The following ECT2L variants were observed in gnomAD, a reference collection of about 807,000 sequenced individuals.
ECT2L encodes the protein epithelial cell-transforming sequence 2 oncogene-like.
Under a neutral mutation model 122.8 loss-of-function variants are expected in ECT2L, and 126 were observed. The observed-to-expected ratio is 1.03, with a 90% CI of 0.89 to 1.19. ECT2L has a LOEUF of 1.19. ECT2L is among the 50% of genes most tolerant of loss of function. The pLI is 0.00. For missense variants in ECT2L, 1,012 were observed against 1,064.1 expected, an observed-to-expected ratio of 0.95 and a Z score of 0.68; for synonymous variants, 385 against 381.8, an observed-to-expected ratio of 1.01 and a Z score of -0.10.
At chr6:138,892,301 T>TTA (rs2128412116) in intron 20 of ECT2L, among the ~76,000 whole-genome samples, 1 of 152,354 alleles carries the variant, frequency 6.6e-6, no homozygotes, top group Admixed American at 6.5e-5. Flanking sequence ...TATCTTTTCT[T>TTA]TCTTAGAGTT....
At chr6:138,892,350 G>A (rs1779059157) in intron 20 of ECT2L, among the ~76,000 whole-genome samples, 2 of 152,020 alleles carry the variant, frequency 1.3e-5, no homozygotes, top group African/African-American at 2.4e-5. Context: ...GTTCTTGCAC[G>A]TTGTCTACTT....
intron 10 of ECT2L, among the ~76,000 whole-genome samples, chr6:138,861,607 T>G (rs1582627607): frequency 6.6e-6 from 1 of 152,230 alleles, no homozygotes; most frequent in Admixed American, 6.5e-5. Flanking sequence ...TTTAAGTTCC[T>G]TGTAGATTCT....
At chr6:138,879,600 C>T (rs764789183) in intron 14 of ECT2L, among the ~76,000 whole-genome samples, 6 of 152,156 alleles carry the variant, frequency 3.9e-5, no homozygotes, top group Middle Eastern at 6.8e-3. Context: ...ACATAGCACA[C>T]ACAACATCAG....
In ECT2L at chr6:138,895,674, G is replaced by A. The variant is rs367936818; in HGVS notation, c.2415-5274G>A. The stretch of plus-strand genomic sequence containing the variant: ...CAACCTCTGCCTCCGGGGTTCAAGC[G>A]ATTCTCATGCCTCAGCCTCCCAAAA... On this transcript the variant is annotated intron_variant, in intron 20 of 21. Coordinates refer to ENST00000541398, the MANE Select transcript of ECT2L (RefSeq NM_001077706.3). Among the ~76,000 whole-genome samples the A allele has an allele frequency of 3.9e-5, 6 of 152,210 alleles. 1 individual carries two copies. The highest frequency in any genetic ancestry group is 2.1e-4 in the South Asian group (1 of 4,822).
chr6:138,876,219 G>A (rs531866436), intron 13 of ECT2L, among the ~76,000 whole-genome samples: 1 of 152,254 alleles, frequency 6.6e-6, no homozygotes, highest in Non-Finnish European at 1.5e-5. Context: ...TGGCTCCCAA[G>A]GAAGAGGGAG....
chr6:138,803,876 C>T (rs775449803), intron 1 of ECT2L, among the ~76,000 whole-genome samples: 18 of 152,174 alleles, frequency 1.2e-4, no homozygotes, highest in Non-Finnish European at 2.1e-4. Flanking sequence ...AGAGCAGAGG[C>T]ACTGCAAATG....
At chr6:138,838,322 G>T (rs371746776) in intron 4 of ECT2L, 30 bp from the exon 5 acceptor site, 1 of 1,554,410 alleles carries the variant, frequency 6.4e-7, no homozygotes, top group Non-Finnish European at 8.6e-7. Context: ...AGACATTAGT[G>T]TTCTAAACTA....
chr6:138,800,787 CTA>C (rs1775515220), intron 1 of ECT2L, among the ~76,000 whole-genome samples: 1 of 152,108 alleles, frequency 6.6e-6, no homozygotes, highest in South Asian at 2.1e-4. Flanking sequence ...GTTTGTGCTG[CTA>C]TAATAAAATA....
rs535090454 is a variant in ECT2L at position 138,875,352 on chromosome 6, C to G, written c.1579-1120C>G. ...GTGGCATCTCCAAAATAAAAATTCG[C>G]TTTTGCCTCAGTAGAGTAAGGTAAA... On this transcript the variant is annotated intron_variant, in intron 13 of 21. Transcript: ENST00000541398. Among the ~76,000 whole-genome samples, 37 of 152,346 alleles carry G rather than the reference C, an allele frequency of 2.4e-4. 1 individual carries two copies. In the South Asian group the frequency reaches 7.7e-3, roughly 32 times the overall value.
intron 3 of ECT2L, among the ~76,000 whole-genome samples, chr6:138,814,153 T>A (rs1258090144): frequency 6.6e-6 from 1 of 152,344 alleles, no homozygotes; most frequent in East Asian, 1.9e-4. Flanking sequence ...ATGTGTGGAC[T>A]CTGTTTCCCT....
intron 16 of ECT2L, among the ~76,000 whole-genome samples, 165 bp from the exon 17 acceptor site, chr6:138,885,341 A>C (rs1050706316): frequency 1.3e-5 from 2 of 152,074 alleles, no homozygotes; most frequent in Admixed American, 1.3e-4. Context: ...ACACATTCTT[A>C]ACATATTAGG....
intron 6 of ECT2L, among the ~76,000 whole-genome samples, chr6:138,844,102 T>C (rs1777135126): frequency 6.6e-6 from 1 of 152,140 alleles, no homozygotes; most frequent in Admixed American, 6.5e-5. Context: ...AAATAAGAAA[T>C]TGCTTGAAGG....
In ECT2L at chr6:138,821,264, G is replaced by A. The variant is rs1247591996; in HGVS notation, c.179+6661G>A. Among the ~76,000 whole-genome samples, 5 of 152,238 alleles carry A rather than the reference G, an allele frequency of 3.3e-5. No homozygotes were observed. In the East Asian group the frequency reaches 7.7e-4, roughly 23 times the overall value. On this transcript the variant is annotated intron_variant, in intron 4 of 21. Transcript: ENST00000541398. ...TCACTCCAGGCAGCCCGAACTTGAT[G>A]TGAATAATGAAGGAAATAGTTTGTT... is the stretch of plus-strand genomic sequence containing the variant.
intron 7 of ECT2L, among the ~76,000 whole-genome samples, chr6:138,846,164 T>A (rs1431771397): frequency 6.6e-6 from 1 of 152,132 alleles, no homozygotes; most frequent in East Asian, 1.9e-4. Context: ...GTGGAGAGAA[T>A]GAAGACATTA....
At chr6:138,854,272 T>G (rs1777542844) in intron 10 of ECT2L, 118 bp downstream of exon 10, 1 of 1,270,312 alleles carries the variant, frequency 7.9e-7, no homozygotes, top group Admixed American at 2.4e-5. Context: ...CTTCAATTTC[T>G]TTTTTCTTTG....
At chr6:138,842,020 A>C (rs1777055585) in intron 5 of ECT2L, among the ~76,000 whole-genome samples, 1 of 152,114 alleles carries the variant, frequency 6.6e-6, no homozygotes, top group African/African-American at 2.4e-5. Context: ...TGCTATTGGA[A>C]CATTGGATAA....
Position 138,885,877 on chromosome 6 carries a change from C to T in ECT2L, c.2259+47C>T. On this transcript the variant is annotated intron_variant, in intron 18 of 21. Coordinates refer to ENST00000541398, the MANE Select transcript of ECT2L (RefSeq NM_001077706.3). ...GTGTCCTTTAAACATGTTACAATGC[C>T]TTTGTGGTACTCCCACTCAAAGATC... The T allele has an allele frequency of 1.3e-6, 2 of 1,558,792 alleles. 1 individual carries two copies. The highest frequency in any genetic ancestry group is 2.4e-5 in the South Asian group (2 of 84,930).
chr6:138,809,839 A>G (rs916431962), intron 1 of ECT2L, among the ~76,000 whole-genome samples: 2 of 152,206 alleles, frequency 1.3e-5, no homozygotes, highest in Non-Finnish European at 2.9e-5. Flanking sequence ...TTTAGTAGAT[A>G]CAGAAATCGG....
intron 4 of ECT2L, among the ~76,000 whole-genome samples, chr6:138,834,323 T>G (rs1776749080): frequency 6.6e-6 from 1 of 152,220 alleles, no homozygotes; most frequent in South Asian, 2.1e-4. Flanking sequence ...CTACCTTAGT[T>G]CTGCTGATCA....
Sources: allele counts gnomAD v4.1 joint callset (sites outside exome capture counted in the v4.1 genomes callset), GRCh38; gene constraint gnomAD v4.1.1; transcripts MANE v1.5; gene names NCBI Gene and HGNC (gene_info 2026-07-23, HGNC 2026-07-21).